TACC3: variants seen among roughly 807,000 people sequenced by gnomAD.
TACC3 encodes the protein transforming acidic coiled-coil containing protein 3, also known as transforming acidic coiled-coil-containing protein 3.
Under a neutral mutation model 86.0 loss-of-function variants are expected in TACC3, and 52 were observed. The ratio of observed to expected loss-of-function variants is 0.60; its 90% CI spans 0.48 to 0.76. TACC3 has a LOEUF of 0.76. Among genes scored for constraint, TACC3 ranks in the 30% least tolerant of loss-of-function variants. The pLI, the probability that TACC3 is intolerant of heterozygous loss-of-function variation, is 0.00. For missense variants in TACC3, 1,120 were observed against 1,070.4 expected (o/e 1.05, Z -0.65); for synonymous variants, 512 against 430.0 (o/e 1.19, Z -2.36).
intron 6 of TACC3, among the ~76,000 whole-genome samples, chr4:1,733,738 G>C (rs1718116662): frequency 6.6e-6 from 1 of 152,222 alleles, no homozygotes; most frequent in African/African-American, 2.4e-5. Context: ...AGCACTTTGG[G>C]AGGCTGAGGA....
upstream of TACC3, chr4:1,721,086 A>G (rs1052519136): frequency 4.4e-5 from 12 of 275,718 alleles, no homozygotes; most frequent in African/African-American, 1.8e-4. Context: ...GGGGCACTCT[A>G]GGGCATGGAG....
chr4:1,730,896 T>C lies in TACC3; in HGVS notation c.1395T>C (p.His465=). Residue 465 remains histidine, a synonymous_variant, in exon 5 of 16, where the codon CAT becomes CAC. Coordinates refer to ENST00000313288, the MANE Select transcript of TACC3 (RefSeq NM_006342.3). The part of the protein sequence containing the change: ...EPGPCLSQQL[H]SASAEDTPVV... The stretch of plus-strand genomic sequence containing the variant: ...GACTCTGTCTCCCCAGGCAGCTGCA[T>C]TCAGCCTCAGCGGAGGACACGCCTG... 6.2e-6 allele frequency: 10 copies of C among 1,613,272 alleles called. No homozygotes were observed. Among genetic ancestry groups the C allele is most frequent in the Non-Finnish European group, 8.5e-6 (10 of 1,180,024 alleles).
intron 11 of TACC3, 69 bp downstream of exon 11, chr4:1,739,847 G>T: frequency 5.9e-6 from 8 of 1,363,458 alleles, no homozygotes; most frequent in Non-Finnish European, 7.8e-6. Flanking sequence ...CATCCCCCTC[G>T]CCATCCTTGT....
rs1471785485 is a variant in TACC3 at position 1,744,953 on chromosome 4, A to G, written c.2457A>G (p.Lys819=). 6.2e-7 allele frequency: 1 copy of G among 1,612,084 alleles called. No individual in the cohort carries two copies. The highest frequency in any genetic ancestry group is 8.5e-7 in the Non-Finnish European group (1 of 1,179,626). The change falls in exon 16 of 16, where the codon AAA becomes AAG. Residue 819 remains lysine (K), a synonymous_variant. Transcript: ENST00000313288. ...AACTCATCTTCCTCCTCCAGACTAA[A>G]GAGAACGAGGAGCTGACCAGGATCT... ...SLEKTVEQKT[K]ENEELTRICD...
intron 12 of TACC3, 89 bp downstream of exon 12, chr4:1,740,091 C>A: frequency 7.3e-7 from 1 of 1,364,304 alleles, no homozygotes; most frequent in South Asian, 1.2e-5. Context: ...GCCTAGGACC[C>A]CACCCTCCTG....
intron 6 of TACC3, among the ~76,000 whole-genome samples, chr4:1,734,013 T>C (rs1223388206): frequency 6.6e-6 from 1 of 151,050 alleles, no homozygotes; most frequent in Non-Finnish European, 1.5e-5. Flanking sequence ...GACAAGGCCA[T>C]AGCAGAGAAG....
rs751907182 is a variant in TACC3 at position 1,723,540 on chromosome 4, A to G, written c.119A>G (p.Gln40Arg). Residue 40 changes from glutamine (Q) to arginine (R), a missense_variant, in exon 2 of 16, where the codon CAG (glutamine) becomes CGG (arginine). By Grantham distance (43) the Gln-to-Arg change is conservative (BLOSUM62 1). Transcript: ENST00000313288. ...AGATCGTCTGTTCTTCGTGTGTCAC[A>G]GAAAGAAAATGTGCCACCCAAGAAC... ...TGRSSVLRVS[Q>R]KENVPPKNLA... is the part of the protein sequence containing the mutation. 1.9e-6 allele frequency: 3 copies of G among 1,613,770 alleles called. No homozygotes were observed. The Admixed American group carries it at 5.0e-5, about 27-fold the overall frequency.
In TACC3 at chr4:1,730,296, C is replaced by G. The variant is rs1717937835; in HGVS notation, c.1386-591C>G. ...TCGTGATCCGACCGCCTCGGCCTCC[C>G]AAAGTGCTGGGATTACATGCGTGAG... On this transcript the variant is annotated intron_variant, in intron 4 of 15. Coordinates refer to ENST00000313288, the MANE Select transcript of TACC3 (RefSeq NM_006342.3). 6 of 190,304 alleles carry G rather than the reference C, an allele frequency of 3.2e-5. No individual in the cohort carries two copies. The Admixed American group carries it at 3.3e-4, about 10-fold the overall frequency. 11.8% of individuals were successfully genotyped at this position (190,304 alleles called of 1,614,324 possible). A position where few individuals can be genotyped will look rare whatever the true frequency, so the allele number is the denominator to read the frequency against.
chr4:1,730,837 C>T lies in TACC3; in HGVS notation c.1386-50C>T, dbSNP rs200825275. On this transcript the variant is annotated intron_variant, in intron 4 of 15. Transcript: ENST00000313288. ...AGCTCAGTGCTGGAGCAGGGGACGC[C>T]GGGGTTATGGGGTGGGGGGCATGGG... 3.0e-5 allele frequency: 46 copies of T among 1,511,820 alleles called. No individual in the cohort carries two copies. In the African/African-American group the frequency reaches 4.2e-4, roughly 14 times the overall value. 93.7% of individuals were successfully genotyped at this position (1,511,820 alleles called of 1,614,324 possible).
chr4:1,737,251 G>A lies in TACC3; in HGVS notation c.1759G>A (p.Ala587Thr). 1.9e-6 allele frequency: 3 copies of A among 1,614,076 alleles called. No individual in the cohort carries two copies. Among genetic ancestry groups the A allele is most frequent in the Middle Eastern group, 1.7e-4 (1 of 6,020 alleles). Reference sequence around the variant, plus strand: ...TCTGCTTGGTGGCAGCATGCACGGTGCAAATGAGACTCCCTCAGGACGTCC... The same window carrying A: ...TCTGCTTGGTGGCAGCATGCACGGTACAAATGAGACTCCCTCAGGACGTCC... ...VATETSSMHGANETPSGRPRE... is the reference protein window; with the variant it reads ...VATETSSMHGTNETPSGRPRE... Residue 587 changes from alanine (A) to threonine (T), a missense_variant, in exon 9 of 16, where the codon GCA becomes ACA. Ala to Thr is a moderately conservative substitution (Grantham distance 58). Coordinates refer to ENST00000313288, the MANE Select transcript of TACC3 (RefSeq NM_006342.3).
chr4:1,737,124 C>T, intron 8 of TACC3, 117 bp from the exon 9 acceptor site: 18 of 796,748 alleles, frequency 2.3e-5, no homozygotes, highest in Non-Finnish European at 3.8e-5. Context: ...ACTACCCTGA[C>T]TTGAGTGGTT....
chr4:1,723,638 C>T, intron 2 of TACC3, 55 bp downstream of exon 2: 1 of 1,609,066 alleles, frequency 6.2e-7, no homozygotes, highest in Admixed American at 1.7e-5. Context: ...GGCCTGCTTT[C>T]TTGGTGACCT....
intron 10 of TACC3, 142 bp downstream of exon 10, chr4:1,737,844 G>A (rs1213405590): frequency 1.2e-6 from 1 of 844,096 alleles, no homozygotes; most frequent in Non-Finnish European, 2.0e-6. Flanking sequence ...GCAGAGAGCT[G>A]CCGGCCCCTG....
chr4:1,740,112 T>C, intron 12 of TACC3, 110 bp downstream of exon 12: 1 of 1,093,044 alleles, frequency 9.1e-7, no homozygotes, highest in Non-Finnish European at 1.4e-6. Flanking sequence ...AGGCCCCTTT[T>C]CCTAACACAC....
chr4:1,723,362 G>C (rs2108681137), intron 1 of TACC3, 59 bp from the exon 2 acceptor site: 2 of 1,568,904 alleles, frequency 1.3e-6, no homozygotes, highest in Non-Finnish European at 1.7e-6. Context: ...TCACGTCTGT[G>C]TCTGGACAAT....
chr4:1,739,465 C>T, intron 10 of TACC3: 1 of 575,630 alleles, frequency 1.7e-6, no homozygotes, highest in Admixed American at 3.1e-5. Flanking sequence ...GCTGGTTCCA[C>T]CCAGGAGCAC....
intron 3 of TACC3, 71 bp downstream of exon 3, chr4:1,723,941 T>C (rs371373167): frequency 6.5e-7 from 1 of 1,537,022 alleles, no homozygotes; most frequent in South Asian, 1.2e-5. Flanking sequence ...AGGAAAGTGC[T>C]GTCTTGTTCT....
At chr4:1,736,324 G>A (rs1320777555) in intron 8 of TACC3, among the ~76,000 whole-genome samples, 3 of 149,816 alleles carry the variant, frequency 2.0e-5, no homozygotes, top group Non-Finnish European at 4.4e-5. Context: ...TTGGGAAGCC[G>A]AGGCAGGAGA....
At chr4:1,723,918 C>T (rs754928315) in intron 3 of TACC3, 48 bp downstream of exon 3, 20 of 1,599,356 alleles carry the variant, frequency 1.3e-5, no homozygotes, top group South Asian at 1.1e-4. Context: ...CCTCTCTGTC[C>T]GATGGTTCTT....
Sources: allele counts gnomAD v4.1 joint callset (sites outside exome capture counted in the v4.1 genomes callset), GRCh38; gene constraint gnomAD v4.1.1; transcripts MANE v1.5; gene names NCBI Gene and HGNC (gene_info 2026-07-23, HGNC 2026-07-21).